KLRG1: variants seen among roughly 807,000 people sequenced by gnomAD.
The protein encoded by KLRG1 is killer cell lectin-like receptor subfamily G member 1.
In KLRG1, 16 loss-of-function variants were observed where a neutral mutation model predicts 21.8. That is an observed-to-expected ratio of 0.73 (90% CI 0.50 to 1.11). KLRG1 has a LOEUF of 1.11. Among genes scored for constraint, KLRG1 ranks in the 50% most tolerant of loss-of-function variants. The probability of loss-of-function intolerance (pLI) is 0.00; values close to 1 mark genes in which losing one functional copy is unlikely to be tolerated. For synonymous variants in KLRG1, 69 were observed against 75.9 expected (o/e 0.91, Z 0.47); for missense variants, 173 against 218.3 (o/e 0.79, Z 1.31).
At chr12:9,054,211 T>A in the KLRG1 span, among the ~76,000 whole-genome samples, 1 of 152,366 alleles carries the variant, frequency 6.6e-6, no homozygotes, top group South Asian at 2.1e-4. Context: ...CTTGTTTTTA[T>A]TTATTTATCA....
At chr12:9,169,355 T>C in the KLRG1 span, 1 of 1,345,326 alleles carries the variant, frequency 7.4e-7, no homozygotes, top group Admixed American at 2.4e-5. Context: ...TTACTAAGAT[T>C]ATGAATAGAT....
At chr12:9,190,659 C>A in the KLRG1 span, among the ~76,000 whole-genome samples, 1 of 152,040 alleles carries the variant, frequency 6.6e-6, no homozygotes, top group African/African-American at 2.4e-5. Context: ...AGTTTACCTA[C>A]ATAACAAACC....
chr12:9,070,062 G>A, the KLRG1 span, among the ~76,000 whole-genome samples: 2 of 152,200 alleles, frequency 1.3e-5, no homozygotes, highest in African/African-American at 2.4e-5. Context: ...AAACTTGGTA[G>A]TTACTCATAT....
the KLRG1 span, chr12:9,106,403 AT>A: frequency 6.9e-7 from 1 of 1,455,382 alleles, no homozygotes; most frequent in Non-Finnish European, 9.6e-7. Context: ...CTAAAATTCT[AT>A]CACCTCCCCC....
rs182258920 is a variant in KLRG1, at chr12:8,953,702, A to G, written c.-156+3466A>G. Reference sequence around the variant, plus strand: ...TACGTTTTTATATCAATCAGGGTCCATTCAGAAACAGATATCATATTGGCG... The same window carrying G: ...TACGTTTTTATATCAATCAGGGTCCGTTCAGAAACAGATATCATATTGGCG... On this transcript the variant is annotated intron_variant, in intron 1 of 4. Transcript: ENST00000539240. 7.9e-5 allele frequency among the ~76,000 whole-genome samples: 12 copies of G among 152,332 alleles called. 1 individual carries two copies. Among genetic ancestry groups the G allele is most frequent in the African/African-American group, 2.4e-4 (10 of 41,568 alleles).
intron 1 of KLRG1, among the ~76,000 whole-genome samples, chr12:8,963,802 G>C (rs925061779): frequency 4.3e-4 from 66 of 152,302 alleles, no homozygotes; most frequent in African/African-American, 1.6e-3. Flanking sequence ...ATTTCTTCTA[G>C]ATTTTCTAGT....
chr12:9,131,527 T>C, the KLRG1 span, among the ~76,000 whole-genome samples: 2 of 152,028 alleles, frequency 1.3e-5, no homozygotes, highest in African/African-American at 4.8e-5. Flanking sequence ...TGAGGTATAG[T>C]CTGTAAGGTA....
intron 3 of KLRG1, among the ~76,000 whole-genome samples, chr12:9,005,911 C>T (rs1020807083): frequency 2.0e-5 from 3 of 152,326 alleles, no homozygotes; most frequent in Admixed American, 6.5e-5. Context: ...AGAACTCAGG[C>T]GGTAATGCTG....
chr12:9,027,386 A>G, the KLRG1 span: 5 of 496,998 alleles, frequency 1.0e-5, no homozygotes, highest in South Asian at 3.4e-5. Flanking sequence ...GCCCATGCAC[A>G]TGAGTATTTG....
the KLRG1 span, chr12:9,091,457 A>T: frequency 3.0e-3 from 4,836 of 1,611,334 alleles, 130 homozygotes; most frequent in African/African-American, 0.058. Context: ...TGAAGAACAG[A>T]AAGTAAGCAG....
chr12:8,970,802 C>T (rs943104439), intron 1 of KLRG1, among the ~76,000 whole-genome samples: 1 of 152,068 alleles, frequency 6.6e-6, no homozygotes, highest in Admixed American at 6.6e-5. Context: ...TTTTGCAGAC[C>T]TTATTTATTC....
chr12:9,115,858 A>C, the KLRG1 span: 1 of 1,611,138 alleles, frequency 6.2e-7, no homozygotes, highest in Non-Finnish European at 8.5e-7. Context: ...ATGTTGCAGA[A>C]AGAAGGAGCT....
chr12:9,160,462 A>G, the KLRG1 span: 9 of 1,613,854 alleles, frequency 5.6e-6, no homozygotes, highest in African/African-American at 1.3e-5. Flanking sequence ...GATTTTGTAT[A>G]TTTTGCATAG....
chr12:9,138,656 G>C, the KLRG1 span, among the ~76,000 whole-genome samples: 3 of 151,868 alleles, frequency 2.0e-5, no homozygotes, highest in African/African-American at 4.8e-5. Flanking sequence ...AAGGATTTTT[G>C]TTATTCATTA....
the KLRG1 span, among the ~76,000 whole-genome samples, chr12:9,096,360 C>A: frequency 3.3e-5 from 5 of 152,102 alleles, no homozygotes; most frequent in African/African-American, 1.2e-4. Flanking sequence ...TGACATTGCA[C>A]AAAGCTTTGA....
the KLRG1 span, among the ~76,000 whole-genome samples, chr12:9,212,170 C>T: frequency 6.6e-6 from 1 of 152,254 alleles, no homozygotes; most frequent in African/African-American, 2.4e-5. Flanking sequence ...AGCTGAGACC[C>T]AGGTCTTCAG....
chr12:9,011,150 G>A (rs1219610804), downstream of KLRG1, among the ~76,000 whole-genome samples: 1 of 152,160 alleles, frequency 6.6e-6, no homozygotes, highest in Non-Finnish European at 1.5e-5. Context: ...ATCTGAGCAG[G>A]CAGGATGTGT....
chr12:9,064,706 A>AGGGGCAGGCAGG, the KLRG1 span: 2 of 154,190 alleles, frequency 1.3e-5, no homozygotes, highest in Non-Finnish European at 2.9e-5. The surrounding 1 kb of genome is among the most constrained non-coding windows in gnomAD (Gnocchi z 4.0). Flanking sequence ...GGGCAGGCAG[A>AGGGGCAGGCAGG]GAGGGGCCCC....
At chr12:9,154,584 C>T in the KLRG1 span, 191 of 1,594,420 alleles carry the variant, frequency 1.2e-4, no homozygotes, top group Non-Finnish European at 1.5e-4. Flanking sequence ...CCAAGTGAAC[C>T]TGGAGCAGAA....
Sources: allele counts gnomAD v4.1 joint callset (sites outside exome capture counted in the v4.1 genomes callset), GRCh38; gene constraint gnomAD v4.1.1; non-coding constraint Gnocchi (gnomAD v3.1); transcripts MANE v1.5; gene names NCBI Gene and HGNC (gene_info 2026-07-23, HGNC 2026-07-21).